Variants in TAF9B observed in about 807,000 individuals in gnomAD.
TAF9B encodes TATA-box binding protein associated factor 9b.
In TAF9B, 47 loss-of-function variants were observed where a neutral mutation model predicts 17.6. The observed-to-expected ratio is 2.68, with a 90% CI of 2.12 to 3.41. The LOEUF (loss-of-function observed/expected upper bound fraction) is 3.41. TAF9B is among the 30% of genes most tolerant of loss of function. TAF9B has a pLI of 0.00. For missense variants in TAF9B, 218 were observed against 189.3 expected (o/e 1.15, Z -0.89); for synonymous variants, 84 against 68.7 (o/e 1.22, Z -1.10).
rs1557249196 is a variant in TAF9B at position 78,129,781 on chromosome X, G to A, written c.*1829C>T. 8.9e-6 allele frequency: 1 copy of A among 112,194 alleles called. No individual in the cohort carries two copies. The highest frequency in any genetic ancestry group is 9.5e-5 in the Admixed American group (1 of 10,570). The allele number at this position is 112,194 out of a possible 1,213,427, so 9.2% of individuals were successfully genotyped here. ...AATTTTTATTAACCTTGGAACAAAT[G>A]CAATAATTCCTTACAGTCATATAGC... On this transcript the variant is annotated 3_prime_UTR_variant, in exon 7 of 7. Transcript: ENST00000341864.
chrX:78,131,415 C>CTGTT lies in TAF9B; in HGVS notation c.*191_*194dup, dbSNP rs782284542. 4 of 336,203 alleles carry CTGTT rather than the reference C, an allele frequency of 1.2e-5. No individual in the cohort carries two copies. Among genetic ancestry groups the CTGTT allele is most frequent in the African/African-American group, 5.3e-5 (2 of 37,657 alleles). 27.7% of individuals were successfully genotyped at this position (336,203 alleles called of 1,213,427 possible). ...AAACTATTAAGAAACAAGTACTTAA[C>CTGTT]TGTTTGTAATTGAAGCCTACTGAAA... On this transcript the variant is annotated 3_prime_UTR_variant, in exon 7 of 7. Transcript: ENST00000341864.
In TAF9B at chrX:78,137,874, C is replaced by T; in HGVS notation, c.280G>A (p.Asp94Asn). The T allele has an allele frequency of 8.3e-7, 1 of 1,200,022 alleles. No individual in the cohort carries two copies. Among genetic ancestry groups the T allele is most frequent in the Non-Finnish European group, 1.1e-6 (1 of 892,503 alleles). The change falls in exon 4 of 7, where the codon GAT becomes AAT. Residue 94 changes from aspartate to asparagine, a missense_variant. Transcript: ENST00000341864. ...GTTTGATTTTTCTGCCTTGCGATAT[C>T]CAGTAAAAACTTAAAAAAAAAATCC... is the stretch of plus-strand genomic sequence containing the variant. Reference protein sequence around the residue: ...TSPPPRDFLLDIARQKNQTPL... With the variant: ...TSPPPRDFLLNIARQKNQTPL...
chrX:78,133,335 T>C lies in TAF9B; in HGVS notation c.592+3A>G. On this transcript the variant is annotated splice_donor_region_variant and intron_variant, in intron 6 of 6. Coordinates refer to ENST00000341864, the MANE Select transcript of TAF9B (RefSeq NM_015975.5). ...TTCTGTCCCCCACTCCCAATCACAT[T>C]ACCTGGTTTGACAGGTGTGGACTGA... 1 of 1,195,281 alleles carries C rather than the reference T, an allele frequency of 8.4e-7. No homozygotes were observed. Among genetic ancestry groups the C allele is most frequent in the Non-Finnish European group, 1.1e-6 (1 of 880,833 alleles).
intron 5 of TAF9B, among the ~76,000 whole-genome samples, chrX:78,136,057 C>CT (rs1603399906): frequency 9.0e-6 from 1 of 110,745 alleles, no homozygotes; most frequent in Non-Finnish European, 1.9e-5. Flanking sequence ...CTATAGGACT[C>CT]AAGTTATAAG....
Position 78,136,910 on chromosome X carries a change from C to T in TAF9B, c.481+5G>A. ...CCAGAAATGCCATTGTCTCCTCTCACTTACCTATAGTAGGAGTAGTAGGTT... is the reference window on the plus strand; with the variant it reads ...CCAGAAATGCCATTGTCTCCTCTCATTTACCTATAGTAGGAGTAGTAGGTT... On this transcript the variant is annotated splice_donor_5th_base_variant and intron_variant, in intron 5 of 6. Transcript: ENST00000341864. The T allele has an allele frequency of 3.4e-6, 4 of 1,189,512 alleles. No individual in the cohort carries two copies. Among genetic ancestry groups the T allele is most frequent in the Non-Finnish European group, 4.6e-6 (4 of 876,897 alleles).
Position 78,139,637 on chromosome X carries a change from G to C in TAF9B, c.-26C>G, listed in dbSNP as rs1557250563. The C allele has an allele frequency of 7.4e-6, 9 of 1,210,776 alleles. No homozygotes were observed. Among genetic ancestry groups the C allele is most frequent in the Non-Finnish European group, 1.0e-5 (9 of 894,718 alleles). ...GTTATCCAGCCACTCGTCATCCGCG[G>C]AGACAGAGGAGAGAGGAGAGCTCGC... On this transcript the variant is annotated 5_prime_UTR_variant, in exon 1 of 7. Coordinates refer to ENST00000341864, the MANE Select transcript of TAF9B (RefSeq NM_015975.5).
chrX:78,130,710 T>A lies in TAF9B; in HGVS notation c.*900A>T, dbSNP rs1418848878. On this transcript the variant is annotated 3_prime_UTR_variant, in exon 7 of 7. Coordinates refer to ENST00000341864, the MANE Select transcript of TAF9B (RefSeq NM_015975.5). The stretch of plus-strand genomic sequence containing the variant: ...TTAAGCTACAGCATCTCTGTTAAAT[T>A]TAGAAATGTGAAACATGGAAGAGTT... 8.9e-6 allele frequency: 1 copy of A among 112,493 alleles called. No homozygotes were observed. The highest frequency in any genetic ancestry group is 1.9e-5 in the Non-Finnish European group (1 of 53,263). The allele number at this position is 112,493 out of a possible 1,213,427, so 9.3% of individuals were successfully genotyped here. A position where few individuals can be genotyped will look rare whatever the true frequency, so the allele number is the denominator to read the frequency against.
At position 78,133,338 on chromosome X, in the gene TAF9B, C is replaced by G. The variant is rs1557249719; in HGVS notation, c.592G>C (p.Val198Leu). The change falls in exon 6 of 7, where the codon GTT (valine) becomes CTT (leucine). Residue 198 changes from valine (V) to leucine (L), a missense_variant and splice_region_variant. Physicochemically the swap from Val to Leu is conservative, Grantham distance 32. Coordinates refer to ENST00000341864, the MANE Select transcript of TAF9B (RefSeq NM_015975.5). Reference protein sequence around the residue: ...PPSQSTPVKPVPATTAVQNVL... With the variant: ...PPSQSTPVKPLPATTAVQNVL... ...TGTCCCCCACTCCCAATCACATTAC[C>G]TGGTTTGACAGGTGTGGACTGAGAA... 8.3e-7 allele frequency: 1 copy of G among 1,200,430 alleles called. No individual in the cohort carries two copies. The highest frequency in any genetic ancestry group is 3.0e-5 in the East Asian group (1 of 33,720).
At position 78,131,658 on chromosome X, in the gene TAF9B, G is replaced by T. The variant is rs1557249482; in HGVS notation, c.708C>A (p.Asn236Lys). ...VSSQNTANEA[N>K]PLKRKHEDDD... Reference sequence around the variant, plus strand: ...CATCTTCATGTTTTCTCTTCAGTGGGTTTGCTTCATTGGCTGTGTTCTGTG... The same window carrying T: ...CATCTTCATGTTTTCTCTTCAGTGGTTTTGCTTCATTGGCTGTGTTCTGTG... The change falls in exon 7 of 7, where the codon AAC becomes AAA. Residue 236 changes from asparagine (N) to lysine (K), a missense_variant. Asn to Lys is a moderately conservative substitution (Grantham distance 94). Coordinates refer to ENST00000341864, the MANE Select transcript of TAF9B (RefSeq NM_015975.5). 1 of 1,210,522 alleles carries T rather than the reference G, an allele frequency of 8.3e-7. No homozygotes were observed. Among genetic ancestry groups the T allele is most frequent in the Non-Finnish European group, 1.1e-6 (1 of 894,709 alleles).
Position 78,130,634 on chromosome X carries a change from T to G in TAF9B, c.*976A>C, listed in dbSNP as rs1231645865. On this transcript the variant is annotated 3_prime_UTR_variant, in exon 7 of 7. Transcript: ENST00000341864. ...TGTATGTGGTAAAAAGGAACACTTG[T>G]TCTTCAGTGGTTTTGCCTAGGTCCA... is the stretch of plus-strand genomic sequence containing the variant. The G allele has an allele frequency of 1.8e-5, 2 of 112,722 alleles. No homozygotes were observed. The highest frequency in any genetic ancestry group is 6.5e-5 in the African/African-American group (2 of 30,942). 9.3% of individuals were successfully genotyped at this position (112,722 alleles called of 1,213,427 possible).
chrX:78,133,115 G>A (rs1367594987), intron 6 of TAF9B, among the ~76,000 whole-genome samples: 2 of 111,207 alleles, frequency 1.8e-5, no homozygotes, highest in Non-Finnish European at 3.8e-5. Context: ...TTTAACTGGG[G>A]GTCTTGGAAC....
Position 78,138,872 on chromosome X carries a change from A to G in TAF9B, c.104T>C (p.Val35Ala), listed in dbSNP as rs1377586040. Residue 35 changes from valine (V) to alanine (A), a missense_variant, in exon 2 of 7, where the codon GTT becomes GCT. Coordinates refer to ENST00000341864, the MANE Select transcript of TAF9B (RefSeq NM_015975.5). ...AGCAAATTCCAACATTTGATTTATAACCCTTGGTTCATACTCTGTGATTCC... is the reference window on the plus strand; with the variant it reads ...AGCAAATTCCAACATTTGATTTATAGCCCTTGGTTCATACTCTGTGATTCC... ...DMGITEYEPRVINQMLEFAFR... is the reference protein window; with the variant it reads ...DMGITEYEPRAINQMLEFAFR... The G allele has an allele frequency of 3.3e-6, 4 of 1,208,357 alleles. No homozygotes were observed. The highest frequency in any genetic ancestry group is 2.2e-5 in the Admixed American group (1 of 45,824).
chrX:78,135,077 C>T (rs1459016472), intron 5 of TAF9B, among the ~76,000 whole-genome samples: 2 of 104,641 alleles, frequency 1.9e-5, no homozygotes, highest in Non-Finnish European at 3.9e-5. Flanking sequence ...CTCAGCCTCC[C>T]GAGTAGCTGG....
chrX:78,134,643 C>G (rs1298777338), intron 5 of TAF9B, among the ~76,000 whole-genome samples: 2 of 111,692 alleles, frequency 1.8e-5, no homozygotes, highest in Non-Finnish European at 3.8e-5. Flanking sequence ...CCGGGTTTTA[C>G]TGCTTTCTCT....
Position 78,137,978 on chromosome X carries a change from G to C in TAF9B, c.254C>G (p.Ser85Cys). ...IQCRADQSFTSPPPRDFLLDI... is the reference protein window; with the variant it reads ...IQCRADQSFTCPPPRDFLLDI... Reference sequence around the variant, plus strand: ...TTTGCTCACATCTCTTGGGGGAGGAGAGGTAAAAGATTGGTCAGCACGACA... The same window carrying C: ...TTTGCTCACATCTCTTGGGGGAGGACAGGTAAAAGATTGGTCAGCACGACA... Residue 85 changes from serine (S) to cysteine (C), a missense_variant, in exon 3 of 7, where the codon TCT becomes TGT. By Grantham distance (112) the Ser-to-Cys change is moderately radical (BLOSUM62 -1). Coordinates refer to ENST00000341864, the MANE Select transcript of TAF9B (RefSeq NM_015975.5). The C allele has an allele frequency of 8.3e-7, 1 of 1,208,876 alleles. No individual in the cohort carries two copies. The highest frequency in any genetic ancestry group is 1.7e-5 in the African/African-American group (1 of 57,720).
chrX:78,134,614 C>T (rs1207942235), intron 5 of TAF9B, among the ~76,000 whole-genome samples: 1 of 111,062 alleles, frequency 9.0e-6, no homozygotes, highest in Non-Finnish European at 1.9e-5. Context: ...GGGAATAAAG[C>T]CCAAAGGTAC....
chrX:78,130,329 GC>G lies in TAF9B; in HGVS notation c.*1280del, dbSNP rs1400055800. The G allele has an allele frequency of 2.7e-5, 3 of 112,490 alleles. No individual in the cohort carries two copies. The highest frequency in any genetic ancestry group is 5.6e-5 in the Non-Finnish European group (3 of 53,333). 9.3% of individuals were successfully genotyped at this position (112,490 alleles called of 1,213,427 possible). On this transcript the variant is annotated 3_prime_UTR_variant, in exon 7 of 7. Coordinates refer to ENST00000341864, the MANE Select transcript of TAF9B (RefSeq NM_015975.5). ...AACAGGTGTGTTTATATTCTCAAAA[GC>G]TTTGCCATCTTTCCCAATATGACTT...
rs1569550983 is a variant in TAF9B, at chrX:78,131,389, G to T, written c.*221C>A. On this transcript the variant is annotated 3_prime_UTR_variant, in exon 7 of 7. Coordinates refer to ENST00000341864, the MANE Select transcript of TAF9B (RefSeq NM_015975.5). Reference sequence around the variant, plus strand: ...TGCCATATTAGGACTCAACATTAATGAAACTATTAAGAAACAAGTACTTAA... The same window carrying T: ...TGCCATATTAGGACTCAACATTAATTAAACTATTAAGAAACAAGTACTTAA... 1 of 288,932 alleles carries T rather than the reference G, an allele frequency of 3.5e-6. No individual in the cohort carries two copies. Among genetic ancestry groups the T allele is most frequent in the East Asian group, 5.3e-5 (1 of 18,695 alleles). The allele number at this position is 288,932 out of a possible 1,213,427, so 23.8% of individuals were successfully genotyped here.
At position 78,139,597 on chromosome X, in the gene TAF9B, C is replaced by G. The variant is rs782735021; in HGVS notation, c.15G>C (p.Lys5Asn). 3.3e-6 allele frequency: 4 copies of G among 1,210,765 alleles called. No homozygotes were observed. The Admixed American group carries it at 8.7e-5, about 26-fold the overall frequency. Residue 5 changes from lysine (K) to asparagine (N), a missense_variant, in exon 1 of 7, where the codon AAG becomes AAC. Physicochemically the swap from Lys to Asn is moderately conservative, Grantham distance 94 (BLOSUM62 0). Coordinates refer to ENST00000341864, the MANE Select transcript of TAF9B (RefSeq NM_015975.5). MESG[K>N]MAPPKNAPRD... ...TCGGAGCGTTCTTGGGAGGCGCCAT[C>G]TTGCCCGACTCCATGTTATCCAGCC...
Sources: gnomAD v4.1 joint callset for allele counts (sites outside exome capture counted in the v4.1 genomes callset) on GRCh38, gnomAD v4.1.1 for gene constraint, MANE v1.5 for transcripts, NCBI Gene and HGNC (gene_info 2026-07-23, HGNC 2026-07-21) for gene names.